The following SLF2 variants were observed in gnomAD, a reference collection of about 807,000 sequenced individuals.
SLF2 encodes the protein SMC5-SMC6 complex localization factor protein 2.
Under a neutral mutation model 124.3 loss-of-function variants are expected in SLF2, and 68 were observed. That is an observed-to-expected ratio of 0.55 (90% CI 0.45 to 0.67). The LOEUF is 0.67. Ranked by LOEUF, SLF2 falls within the 30% of genes least tolerant of loss-of-function variation. The probability of loss-of-function intolerance (pLI) is 0.00; values close to 1 mark genes in which losing one functional copy is unlikely to be tolerated. For synonymous variants in SLF2, 480 were observed against 478.8 expected, an observed-to-expected ratio of 1.00 and a Z score of -0.03; for missense variants, 1,246 against 1,373.7, an observed-to-expected ratio of 0.91 and a Z score of 1.47.
chr10:100,950,086 T>C lies in SLF2; in HGVS notation c.3131T>C (p.Leu1044Pro). Residue 1044 changes from leucine (L) to proline (P), a missense_variant, in exon 16 of 20, where the codon CTA (leucine) becomes CCA (proline). Physicochemically the swap from Leu to Pro is moderately conservative, Grantham distance 98. Around this residue, in one of 3 missense-constraint regions of SLF2, gnomAD observed 535 missense variants for 632.8 expected, o/e 0.85. Coordinates refer to ENST00000238961, the MANE Select transcript of SLF2 (RefSeq NM_018121.4). ...TCTTTCTTTTGATAGGTATCAGTCC[T>C]ACATCGCTATCTTGTGCAGATGAAG... The part of the protein sequence containing the change: ...PNASNLQVSV[L>P]HRYLVQMKPS... 6.2e-7 allele frequency: 1 copy of C among 1,611,190 alleles called. No homozygotes were observed. Among genetic ancestry groups the C allele is most frequent in the South Asian group, 1.1e-5 (1 of 90,420 alleles).
intron 3 of SLF2, among the ~76,000 whole-genome samples, 197 bp from the exon 4 acceptor site, chr10:100,918,187 T>C (rs1392743577): frequency 6.6e-6 from 1 of 152,256 alleles, no homozygotes; most frequent in East Asian, 1.9e-4. Context: ...TACATGTTTA[T>C]GATACAAATG....
chr10:100,957,330 A>AATTTTT (rs1850349515), intron 18 of SLF2, among the ~76,000 whole-genome samples: 1 of 91,830 alleles, frequency 1.1e-5, no homozygotes, highest in Admixed American at 1.1e-4. Context: ...GGAGTCTTCA[A>AATTTTT]TTTTTTTTTT....
Position 100,964,793 on chromosome 10 carries a change from G to T in SLF2, c.*2881G>T, listed in dbSNP as rs746362580. The T allele has an allele frequency of 6.6e-6, 1 of 152,128 alleles. No homozygotes were observed. Among genetic ancestry groups the T allele is most frequent in the African/African-American group, 2.4e-5 (1 of 41,392 alleles). 9.4% of individuals were successfully genotyped at this position (152,128 alleles called of 1,614,324 possible). On this transcript the variant is annotated 3_prime_UTR_variant, in exon 20 of 20. Transcript: ENST00000238961. ...AAATTAAAAATGAAAATTTTAAGAG[G>T]TAGCCCATTAAACAAGCTACTGAGT...
chr10:100,947,894 A>C, intron 15 of SLF2, 47 bp downstream of exon 15: 1 of 1,432,866 alleles, frequency 7.0e-7, no homozygotes, highest in Non-Finnish European at 9.8e-7. Context: ...AGAGGTAATG[A>C]GAGGTGTAAG....
intron 11 of SLF2, among the ~76,000 whole-genome samples, chr10:100,941,685 C>T (rs1283687694): frequency 6.6e-6 from 1 of 152,164 alleles, no homozygotes; most frequent in Non-Finnish European, 1.5e-5. Context: ...ATTGATCTGC[C>T]TGCTGTCCCT....
chr10:100,945,536 T>C (rs1850088807), intron 13 of SLF2, 30 bp downstream of exon 13: 1 of 1,487,820 alleles, frequency 6.7e-7, no homozygotes, highest in Non-Finnish European at 8.9e-7. Context: ...CATTATTCAT[T>C]TTTTATATAG....
At chr10:100,951,908 T>C (rs1232776433) in intron 17 of SLF2, among the ~76,000 whole-genome samples, 1 of 152,234 alleles carries the variant, frequency 6.6e-6, no homozygotes, top group African/African-American at 2.4e-5. Flanking sequence ...GCTTAATTCC[T>C]TTTATTTCAT....
At chr10:100,915,925 T>C in intron 1 of SLF2, 74 bp from the exon 2 acceptor site, 1 of 1,158,202 alleles carries the variant, frequency 8.6e-7, no homozygotes. Flanking sequence ...TTTATAAATC[T>C]TTCTCCATTT....
At chr10:100,918,501 T>C in intron 4 of SLF2, 60 bp downstream of exon 4, 2 of 1,117,676 alleles carry the variant, frequency 1.8e-6, no homozygotes, top group South Asian at 2.7e-5. Context: ...TGGCACTGCT[T>C]TTTAAAATAA....
chr10:100,961,572 G>A (rs141372768), intron 19 of SLF2, among the ~76,000 whole-genome samples: 85 of 152,246 alleles, frequency 5.6e-4, no homozygotes, highest in Middle Eastern at 3.4e-3. Context: ...TATTAAAACA[G>A]AAAATAATTT....
rs977430749 is a variant in SLF2, at chr10:100,963,619, A to C, written c.*1707A>C. Reference sequence around the variant, plus strand: ...CTGTAATTTAATCCTTTGTAGATACATTATTTGTGTGTAATTTTATACGTG... The same window carrying C: ...CTGTAATTTAATCCTTTGTAGATACCTTATTTGTGTGTAATTTTATACGTG... On this transcript the variant is annotated 3_prime_UTR_variant, in exon 20 of 20. Transcript: ENST00000238961. 2.0e-5 allele frequency: 3 copies of C among 152,712 alleles called. No individual in the cohort carries two copies. In the East Asian group the frequency reaches 5.8e-4, roughly 29 times the overall value. 9.5% of individuals were successfully genotyped at this position (152,712 alleles called of 1,614,324 possible).
intron 4 of SLF2, among the ~76,000 whole-genome samples, chr10:100,920,164 T>C (rs1849497948): frequency 6.6e-6 from 1 of 152,252 alleles, no homozygotes; most frequent in South Asian, 2.1e-4. Context: ...GCTTCTGCAC[T>C]CACTGTATTG....
At chr10:100,918,108 ATAT>A (rs1351053736) in intron 3 of SLF2, among the ~76,000 whole-genome samples, 1 of 152,158 alleles carries the variant, frequency 6.6e-6, no homozygotes, top group East Asian at 1.9e-4. Flanking sequence ...TTCTAATATA[ATAT>A]TCTTGAATTA....
chr10:100,928,039 C>CACACA (rs769598763), intron 6 of SLF2, among the ~76,000 whole-genome samples: 4 of 45,054 alleles, frequency 8.9e-5, no homozygotes, highest in African/African-American at 2.9e-4. Flanking sequence ...ACACCCCCCC[C>CACACA]CCCCCCCACA....
chr10:100,944,507 A>C (rs1044378285), intron 12 of SLF2, among the ~76,000 whole-genome samples: 6 of 151,734 alleles, frequency 4.0e-5, no homozygotes, highest in Non-Finnish European at 7.4e-5. Context: ...AAAAAAAAAA[A>C]AAAAAAACTC....
chr10:100,938,996 T>C (rs1182225760), intron 11 of SLF2, among the ~76,000 whole-genome samples: 1 of 152,020 alleles, frequency 6.6e-6, no homozygotes, highest in Non-Finnish European at 1.5e-5. Flanking sequence ...ATTGTTTTGG[T>C]GGAAGTATTG....
intron 9 of SLF2, among the ~76,000 whole-genome samples, chr10:100,936,271 G>A (rs1353367920): frequency 6.6e-6 from 1 of 151,712 alleles, no homozygotes; most frequent in Non-Finnish European, 1.5e-5. Context: ...GGGTATTATC[G>A]ATATTCTTGA....
At position 100,924,511 on chromosome 10, in the gene SLF2, G is replaced by A. The variant is rs1471541148; in HGVS notation, c.1510G>A (p.Glu504Lys). 1.2e-5 allele frequency: 19 copies of A among 1,613,970 alleles called. No individual in the cohort carries two copies. The highest frequency in any genetic ancestry group is 1.6e-5 in the Non-Finnish European group (19 of 1,180,024). ...CALPVSKKDK[E>K]RSSSKECSGH... Reference sequence around the variant, plus strand: ...TCTTCCAGTTTCTAAAAAAGATAAAGAGCGTTCCTCATCTAAAGAATGTTC... The same window carrying A: ...TCTTCCAGTTTCTAAAAAAGATAAAAAGCGTTCCTCATCTAAAGAATGTTC... The change falls in exon 5 of 20, where the codon GAG becomes AAG. Residue 504 changes from glutamate (E) to lysine (K), a missense_variant. Around this residue, in one of 3 missense-constraint regions of SLF2, gnomAD observed 698 missense variants for 708.9 expected, o/e 0.98. Transcript: ENST00000238961.
At chr10:100,937,505 C>T (rs765070196) in intron 10 of SLF2, 28 bp downstream of exon 10, 36 of 1,324,300 alleles carry the variant, frequency 2.7e-5, no homozygotes, top group Middle Eastern at 2.1e-4. Context: ...TTAAGATTTA[C>T]CGTGTGTATT....
Sources: allele counts gnomAD v4.1 joint callset (sites outside exome capture counted in the v4.1 genomes callset), GRCh38; gene constraint gnomAD v4.1.1; regional missense constraint gnomAD v4.1.1; transcripts MANE v1.5; gene names NCBI Gene and HGNC (gene_info 2026-07-23, HGNC 2026-07-21).